The following CPQ variants were observed in gnomAD, a reference collection of about 807,000 sequenced individuals.
CPQ encodes the protein carboxypeptidase Q, also known as Ser-Met dipeptidase.
CPQ carries 37 observed loss-of-function variants against 45.7 expected under a neutral mutation model. The observed-to-expected ratio is 0.81, with a 90% CI of 0.62 to 1.07. CPQ has a LOEUF of 1.07. Ranked by LOEUF, CPQ falls within the 50% of genes least tolerant of loss-of-function variation. The pLI, the probability that CPQ is intolerant of heterozygous loss-of-function variation, is 0.00. For missense variants in CPQ, 537 were observed against 572.9 expected, an observed-to-expected ratio of 0.94 and a Z score of 0.64; for synonymous variants, 186 against 205.8, an observed-to-expected ratio of 0.90 and a Z score of 0.82.
At chr8:97,033,881 T>C (rs918351781) in intron 6 of CPQ, among the ~76,000 whole-genome samples, 12 of 152,144 alleles carry the variant, frequency 7.9e-5, no homozygotes, top group African/African-American at 2.4e-4. Flanking sequence ...AAATATATCT[T>C]TGTTTACACT....
chr8:96,993,163 A>T (rs1171579544), intron 5 of CPQ, among the ~76,000 whole-genome samples: 1 of 152,202 alleles, frequency 6.6e-6, no homozygotes, highest in Non-Finnish European at 1.5e-5. Context: ...ATCTATAATC[A>T]TGTTTAATTT....
intron 4 of CPQ, among the ~76,000 whole-genome samples, chr8:96,926,576 C>T (rs13272556): frequency 0.024 from 1,822 of 74,836 alleles, 28 homozygotes; most frequent in African/African-American, 0.042. Flanking sequence ...CTTCCTCTTC[C>T]TCTTCTTCTT....
chr8:96,674,779 A>G (rs1809053285), intron 1 of CPQ, among the ~76,000 whole-genome samples: 2 of 152,166 alleles, frequency 1.3e-5, no homozygotes, highest in East Asian at 3.8e-4. Context: ...CGCCTTTGAA[A>G]AACAGTTTAT....
intron 7 of CPQ, among the ~76,000 whole-genome samples, chr8:97,083,684 T>C (rs1033079811): frequency 1.3e-5 from 2 of 152,158 alleles, no homozygotes; most frequent in Admixed American, 1.3e-4. Context: ...TAAGAGTCGG[T>C]GGAGGATTAT....
chr8:96,958,733 G>C (rs1357516515), intron 4 of CPQ, among the ~76,000 whole-genome samples: 1 of 152,042 alleles, frequency 6.6e-6, no homozygotes, highest in Non-Finnish European at 1.5e-5. Context: ...CCAGGAATAG[G>C]CATGATCTCC....
chr8:96,859,225 C>G (rs1347755995), intron 3 of CPQ, among the ~76,000 whole-genome samples: 2 of 152,152 alleles, frequency 1.3e-5, no homozygotes, highest in African/African-American at 4.8e-5. Context: ...GAAGCATGGC[C>G]CTCCAGGGCT....
chr8:96,873,582 A>G (rs1444063674), intron 3 of CPQ, among the ~76,000 whole-genome samples: 2 of 151,758 alleles, frequency 1.3e-5, no homozygotes, highest in Non-Finnish European at 3.0e-5. Flanking sequence ...AAGCTTTTCT[A>G]TTAAGCAAAA....
At chr8:97,029,302 A>G (rs764701962) in intron 5 of CPQ, 101 bp from the exon 6 acceptor site, 2 of 1,158,790 alleles carry the variant, frequency 1.7e-6, no homozygotes, top group Non-Finnish European at 2.5e-6. Context: ...AATGCCTCTG[A>G]TTTCCTCCTT....
intron 2 of CPQ, among the ~76,000 whole-genome samples, chr8:96,816,239 A>G (rs1471329582): frequency 6.6e-6 from 1 of 152,154 alleles, no homozygotes; most frequent in Non-Finnish European, 1.5e-5. Context: ...CATTTCAACA[A>G]TGTTCACACA....
chr8:97,135,661 G>A (rs1317368638), intron 7 of CPQ, among the ~76,000 whole-genome samples: 1 of 152,084 alleles, frequency 6.6e-6, no homozygotes. Flanking sequence ...TAATTATTAT[G>A]ATCAGGGAAT....
intron 6 of CPQ, among the ~76,000 whole-genome samples, chr8:97,046,334 A>G (rs1810255829): frequency 6.7e-6 from 1 of 148,924 alleles, no homozygotes; most frequent in South Asian, 2.1e-4. Context: ...ATTTGTAATT[A>G]TTCATTCTAG....
At chr8:97,080,869 C>T (rs752198140) in intron 7 of CPQ, among the ~76,000 whole-genome samples, 2 of 152,042 alleles carry the variant, frequency 1.3e-5, no homozygotes, top group African/African-American at 2.4e-5. Context: ...TATCATAGGA[C>T]GAGATATGAA....
chr8:97,120,042 T>C (rs1811671896), intron 7 of CPQ, among the ~76,000 whole-genome samples: 1 of 152,236 alleles, frequency 6.6e-6, no homozygotes, highest in South Asian at 2.1e-4. Context: ...ATTTTATTCT[T>C]GGACACATGA....
At chr8:96,901,023 A>G (rs1812506235) in intron 4 of CPQ, among the ~76,000 whole-genome samples, 1 of 152,098 alleles carries the variant, frequency 6.6e-6, no homozygotes, top group South Asian at 2.1e-4. Context: ...CCTTGGAGAG[A>G]TATATTCCTT....
intron 7 of CPQ, among the ~76,000 whole-genome samples, chr8:97,110,378 A>G (rs1407212005): frequency 2.6e-5 from 4 of 152,148 alleles, no homozygotes; most frequent in African/African-American, 9.7e-5. Context: ...TGTTAAATGC[A>G]TATTTAACTT....
chr8:96,732,065 C>T (rs924170971), intron 1 of CPQ, among the ~76,000 whole-genome samples: 6 of 152,136 alleles, frequency 3.9e-5, no homozygotes, highest in Middle Eastern at 3.4e-3. Flanking sequence ...TGAGGAATTA[C>T]GAAGTCAGAT....
chr8:96,966,142 T>C (rs1813556147), intron 5 of CPQ, 96 bp downstream of exon 5: 2 of 817,660 alleles, frequency 2.4e-6, no homozygotes, highest in African/African-American at 1.7e-5. Flanking sequence ...TACTATGGTA[T>C]GTTCAAAGAT....
chr8:96,879,090 A>G (rs1384162119), intron 3 of CPQ, among the ~76,000 whole-genome samples: 1 of 152,252 alleles, frequency 6.6e-6, no homozygotes, highest in Non-Finnish European at 1.5e-5. Flanking sequence ...GGCTTCAATT[A>G]TAAGTGTTTC....
At chr8:97,016,910 G>T (rs1460170324) in intron 5 of CPQ, among the ~76,000 whole-genome samples, 2 of 152,218 alleles carry the variant, frequency 1.3e-5, no homozygotes, top group African/African-American at 2.4e-5. Context: ...AGACTAGATT[G>T]CAGCTGTCAC....
Sources: allele counts gnomAD v4.1 joint callset (sites outside exome capture counted in the v4.1 genomes callset), GRCh38; gene constraint gnomAD v4.1.1; transcripts MANE v1.5; gene names NCBI Gene and HGNC (gene_info 2026-07-23, HGNC 2026-07-21).